Variants in ARHGEF3 observed in about 807,000 individuals in gnomAD.
ARHGEF3 encodes the protein 59.8 kDA protein.
A neutral mutation model predicts 63.2 loss-of-function variants in ARHGEF3; 28 were observed. That is an observed-to-expected ratio of 0.44 (90% CI 0.33 to 0.61). The LOEUF (loss-of-function observed/expected upper bound fraction) is 0.61, where lower values mean the gene tolerates loss of function less well. ARHGEF3 is among the 20% of genes least tolerant of loss of function. The pLI is 0.03. For synonymous variants in ARHGEF3, 266 were observed against 254.2 expected, an observed-to-expected ratio of 1.05 and a Z score of -0.44; for missense variants, 533 against 659.3, an observed-to-expected ratio of 0.81 and a Z score of 2.10.
At chr3:57,059,162 C>G (rs1390692885) in intron 1 of ARHGEF3, among the ~76,000 whole-genome samples, 1 of 152,036 alleles carries the variant, frequency 6.6e-6, no homozygotes, top group East Asian at 1.9e-4. Flanking sequence ...AAAAGAAATG[C>G]TGACATGCAA....
chr3:56,869,355 G>A (rs2040359036), intron 4 of ARHGEF3, among the ~76,000 whole-genome samples: 1 of 152,184 alleles, frequency 6.6e-6, no homozygotes, highest in South Asian at 2.1e-4. Flanking sequence ...TGCTTATAGA[G>A]AAACCACCTG....
At chr3:57,065,444 G>A (rs558925466) in intron 1 of ARHGEF3, among the ~76,000 whole-genome samples, 65 of 151,960 alleles carry the variant, frequency 4.3e-4, no homozygotes, top group Middle Eastern at 3.4e-3. Context: ...CTGGGCAACA[G>A]AGCAGGACTC....
chr3:57,054,791 T>C (rs1318029151), intron 1 of ARHGEF3, among the ~76,000 whole-genome samples: 1 of 151,334 alleles, frequency 6.6e-6, no homozygotes, highest in Non-Finnish European at 1.5e-5. Flanking sequence ...GCTGGGATTA[T>C]AGGCATACGC....
At chr3:56,740,881 T>G (rs768450550) in intron 7 of ARHGEF3, among the ~76,000 whole-genome samples, 2 of 152,210 alleles carry the variant, frequency 1.3e-5, no homozygotes, top group Non-Finnish European at 2.9e-5. Flanking sequence ...GCTATAGTCA[T>G]AAATATGTGT....
intron 9 of ARHGEF3, 44 bp from the exon 10 acceptor site, chr3:56,729,666 C>G (rs1184003091): frequency 1.3e-6 from 2 of 1,494,866 alleles, no homozygotes; most frequent in Non-Finnish European, 1.8e-6. Context: ...ATGGACAGAT[C>G]CTTCCTCAGG....
chr3:56,989,878 C>T (rs1701683840), intron 2 of ARHGEF3, among the ~76,000 whole-genome samples: 2 of 152,348 alleles, frequency 1.3e-5, no homozygotes, highest in African/African-American at 4.8e-5. Context: ...ACTTGACTTT[C>T]CTCCTCTGGA....
At chr3:56,853,498 G>C (rs1260728445) in intron 4 of ARHGEF3, among the ~76,000 whole-genome samples, 1 of 152,020 alleles carries the variant, frequency 6.6e-6, no homozygotes, top group Non-Finnish European at 1.5e-5. Flanking sequence ...CACCACGCCT[G>C]GCTAATTTTT....
intron 2 of ARHGEF3, among the ~76,000 whole-genome samples, chr3:56,760,736 G>T (rs545743705): frequency 2.6e-5 from 4 of 151,758 alleles, no homozygotes; most frequent in Non-Finnish European, 5.9e-5. Flanking sequence ...TTACATGCAA[G>T]ACATGCATTT....
rs1165808993 is a variant in ARHGEF3 at position 57,023,690 on chromosome 3, G to A, written c.62+11398C>T. Among the ~76,000 whole-genome samples the A allele has an allele frequency of 9.2e-5, 14 of 152,292 alleles. No homozygotes were observed. In the East Asian group the frequency reaches 2.3e-3, roughly 25 times the overall value. On this transcript the variant is annotated intron_variant, in intron 2 of 12. Transcript: ENST00000338458. ...TTCCGGCACATCACATCTCTGTGGAGTCCGGACCTTGGCACACACTGCCCC... is the reference window on the plus strand; with the variant it reads ...TTCCGGCACATCACATCTCTGTGGAATCCGGACCTTGGCACACACTGCCCC...
intron 3 of ARHGEF3, among the ~76,000 whole-genome samples, chr3:56,950,839 T>C (rs1365186551): frequency 6.6e-6 from 1 of 151,998 alleles, no homozygotes; most frequent in Non-Finnish European, 1.5e-5. Context: ...CGTATGTTTA[T>C]TGCAGCACTA....
chr3:56,803,272 C>CAA (rs148122637), upstream of ARHGEF3, among the ~76,000 whole-genome samples: 7 of 151,094 alleles, frequency 4.6e-5, no homozygotes, highest in African/African-American at 1.2e-4. Flanking sequence ...CCTGTGTCTA[C>CAA]AAAAAAAATA....
At chr3:56,770,476 A>G (rs1406901046) in intron 2 of ARHGEF3, among the ~76,000 whole-genome samples, 2 of 152,084 alleles carry the variant, frequency 1.3e-5, no homozygotes, top group Admixed American at 6.5e-5. Context: ...TAAAATATAA[A>G]TTGGCACCTT....
chr3:56,857,598 T>C (rs2039930365), intron 4 of ARHGEF3, among the ~76,000 whole-genome samples: 1 of 152,230 alleles, frequency 6.6e-6, no homozygotes, highest in African/African-American at 2.4e-5. Flanking sequence ...CTTTTTATTC[T>C]GTGACATACA....
intron 1 of ARHGEF3, among the ~76,000 whole-genome samples, chr3:57,048,393 G>A (rs1380236346): frequency 2.0e-5 from 3 of 152,156 alleles, no homozygotes; most frequent in Non-Finnish European, 4.4e-5. Flanking sequence ...CTTCCAGCAC[G>A]ATGAGACCTC....
At chr3:56,806,398 G>A (rs903092382), upstream of ARHGEF3, among the ~76,000 whole-genome samples, 2 of 152,246 alleles carry the variant, frequency 1.3e-5, no homozygotes, top group South Asian at 4.1e-4. Context: ...GTGTTTACGG[G>A]CTTAGGAACA....
intron 2 of ARHGEF3, among the ~76,000 whole-genome samples, chr3:56,992,024 C>CTCTGTGTGTGTGTGTGTGTGTGTGTG (rs1239113895): frequency 7.6e-6 from 1 of 131,636 alleles, no homozygotes; most frequent in African/African-American, 2.9e-5. Context: ...CCTCCTCTCT[C>CTCTGTGTGTGTGTGTGTGTGTGTGTG]TGTGTGTGTG....
chr3:56,917,062 GT>G, intron 3 of ARHGEF3, among the ~76,000 whole-genome samples: 1 of 152,274 alleles, frequency 6.6e-6, no homozygotes, highest in African/African-American at 2.4e-5. Flanking sequence ...GACATTTCTT[GT>G]TTTATGAAGT....
chr3:56,770,602 C>T (rs571264461), intron 2 of ARHGEF3, among the ~76,000 whole-genome samples: 4 of 152,240 alleles, frequency 2.6e-5, no homozygotes, highest in Admixed American at 6.5e-5. Context: ...TGGGGACAAG[C>T]TGGCATTCTC....
intron 3 of ARHGEF3, chr3:56,916,195 G>A: frequency 7.4e-7 from 1 of 1,345,668 alleles, no homozygotes; most frequent in Non-Finnish European, 9.8e-7. Context: ...TCAGTTTCTT[G>A]GAAGGTAAAG....
Sources: gnomAD v4.1 joint callset for allele counts (sites outside exome capture counted in the v4.1 genomes callset) on GRCh38, gnomAD v4.1.1 for gene constraint, MANE v1.5 for transcripts, NCBI Gene and HGNC (gene_info 2026-07-23, HGNC 2026-07-21) for gene names.